ADAMTS17: variants seen among roughly 807,000 people sequenced by gnomAD.
The protein encoded by ADAMTS17 is A disintegrin and metalloproteinase with thrombospondin motifs 17.
ADAMTS17 carries 113 observed loss-of-function variants against 141.5 expected under a neutral mutation model. The observed-to-expected ratio is 0.80, with a 90% CI of 0.69 to 0.93. The LOEUF is 0.93. Ranked by LOEUF, ADAMTS17 falls within the 40% of genes least tolerant of loss-of-function variation. ADAMTS17 has a pLI of 0.00. For missense variants in ADAMTS17, 1,659 were observed against 1,517.9 expected (o/e 1.09, Z -1.54); for synonymous variants, 768 against 630.6 (o/e 1.22, Z -3.27).
At chr15:100,094,286 G>A (rs1297888586) in intron 15 of ADAMTS17, among the ~76,000 whole-genome samples, 8 of 152,256 alleles carry the variant, frequency 5.3e-5, no homozygotes, top group African/African-American at 1.4e-4. Context: ...GAGGCTTCCA[G>A]TATGGTCCAT....
At chr15:100,022,014 G>C (rs989318720) in intron 18 of ADAMTS17, among the ~76,000 whole-genome samples, 1 of 152,124 alleles carries the variant, frequency 6.6e-6, no homozygotes, top group African/African-American at 2.4e-5. Flanking sequence ...CCTTGCTATG[G>C]CTTGGGTGCT....
intron 9 of ADAMTS17, 28 bp downstream of exon 9, chr15:100,155,152 C>T: frequency 1.9e-6 from 3 of 1,614,144 alleles, no homozygotes; most frequent in Non-Finnish European, 2.5e-6. Context: ...TGATTGCATT[C>T]ATCCTATAGA....
At chr15:100,213,411 C>T (rs974539036) in intron 7 of ADAMTS17, among the ~76,000 whole-genome samples, 2 of 152,136 alleles carry the variant, frequency 1.3e-5, no homozygotes, top group East Asian at 1.9e-4. Flanking sequence ...CTCAGAAAAT[C>T]GATGTCAACA....
intron 6 of ADAMTS17, among the ~76,000 whole-genome samples, chr15:100,258,965 A>G (rs946556691): frequency 6.6e-6 from 1 of 152,068 alleles, no homozygotes; most frequent in Non-Finnish European, 1.5e-5. Context: ...AAAAAATGCC[A>G]TTCATCCCCA....
intron 15 of ADAMTS17, among the ~76,000 whole-genome samples, chr15:100,078,394 CG>C (rs1039068948): frequency 2.6e-4 from 40 of 151,938 alleles, no homozygotes; most frequent in African/African-American, 9.7e-4. Flanking sequence ...TAAGGACAGT[CG>C]TTTCTAACAA....
chr15:100,005,146 C>T (rs1393050988), intron 18 of ADAMTS17, among the ~76,000 whole-genome samples: 2 of 152,226 alleles, frequency 1.3e-5, no homozygotes, highest in Non-Finnish European at 2.9e-5. Context: ...GCTTCCTTTC[C>T]TGCCTAGCAC....
At chr15:99,976,011 C>A in intron 21 of ADAMTS17, 34 bp downstream of exon 21, 2 of 1,536,676 alleles carry the variant, frequency 1.3e-6, no homozygotes, top group Non-Finnish European at 1.8e-6. Flanking sequence ...GACACAGCAG[C>A]CCCCTGGGAA....
chr15:100,038,585 A>G (rs2727143), intron 18 of ADAMTS17, among the ~76,000 whole-genome samples: 7,025 of 152,136 alleles, frequency 0.046, 335 homozygotes, highest in African/African-American at 0.12. Flanking sequence ...ATTCTTTTTG[A>G]TGTTATTATA....
At chr15:100,328,698 A>G (rs569058101) in intron 3 of ADAMTS17, among the ~76,000 whole-genome samples, 20 of 152,200 alleles carry the variant, frequency 1.3e-4, no homozygotes, top group Non-Finnish European at 2.1e-4. Context: ...AACTCTCCTT[A>G]GGGACAAAAA....
chr15:100,130,642 T>G (rs2037990365), intron 12 of ADAMTS17, among the ~76,000 whole-genome samples: 1 of 152,134 alleles, frequency 6.6e-6, no homozygotes, highest in Non-Finnish European at 1.5e-5. Flanking sequence ...ATTTGATCAG[T>G]CTGGGGTATG....
chr15:100,275,293 CAT>C (rs1450370888), intron 4 of ADAMTS17, among the ~76,000 whole-genome samples: 1 of 152,164 alleles, frequency 6.6e-6, no homozygotes, highest in Non-Finnish European at 1.5e-5. Context: ...TGGAGGGCCA[CAT>C]GAAAGGCAGG....
chr15:100,218,872 T>A (rs764431194), intron 7 of ADAMTS17, among the ~76,000 whole-genome samples: 1 of 151,680 alleles, frequency 6.6e-6, no homozygotes, highest in Non-Finnish European at 1.5e-5. Context: ...CACGTCCACC[T>A]GAACACGCAA....
chr15:100,124,156 G>C (rs2037597980), intron 12 of ADAMTS17, among the ~76,000 whole-genome samples: 1 of 151,878 alleles, frequency 6.6e-6, no homozygotes, highest in Non-Finnish European at 1.5e-5. Context: ...AGTAGAGATG[G>C]GGTCTCATCA....
At chr15:100,163,245 GAGAC>G (rs1213361418) in intron 8 of ADAMTS17, among the ~76,000 whole-genome samples, 3 of 152,054 alleles carry the variant, frequency 2.0e-5, no homozygotes, top group Non-Finnish European at 2.9e-5. Context: ...CAGATAAAGA[GAGAC>G]AGAGAGAATG....
chr15:100,149,452 C>T (rs957150148), intron 10 of ADAMTS17, among the ~76,000 whole-genome samples: 1 of 152,194 alleles, frequency 6.6e-6, no homozygotes, highest in Non-Finnish European at 1.5e-5. Flanking sequence ...CAGTAGTTCA[C>T]ATCTGTTCCC....
intron 3 of ADAMTS17, among the ~76,000 whole-genome samples, chr15:100,291,244 A>G (rs976234357): frequency 6.6e-6 from 1 of 152,260 alleles, no homozygotes; most frequent in Non-Finnish European, 1.5e-5. Context: ...CCATATGAAA[A>G]GTTACTCAAC....
intron 8 of ADAMTS17, among the ~76,000 whole-genome samples, chr15:100,192,433 C>T (rs1197896857): frequency 6.6e-6 from 1 of 152,246 alleles, no homozygotes; most frequent in Non-Finnish European, 1.5e-5. Context: ...TATGTGAACA[C>T]AACTGCCCTA....
At chr15:100,252,420 G>A (rs2043182207) in intron 7 of ADAMTS17, among the ~76,000 whole-genome samples, 3 of 152,174 alleles carry the variant, frequency 2.0e-5, no homozygotes, top group African/African-American at 2.4e-5. Flanking sequence ...TTGCTCAGGG[G>A]CTGCCAGGGG....
At chr15:100,200,361 A>T (rs1199096745) in intron 7 of ADAMTS17, among the ~76,000 whole-genome samples, 1 of 151,948 alleles carries the variant, frequency 6.6e-6, no homozygotes, top group Admixed American at 6.5e-5. Context: ...CCCTCTGGGG[A>T]ATGCTGGGAG....
Sources: gnomAD v4.1 joint callset for allele counts (sites outside exome capture counted in the v4.1 genomes callset) on GRCh38, gnomAD v4.1.1 for gene constraint, MANE v1.5 for transcripts, NCBI Gene and HGNC (gene_info 2026-07-23, HGNC 2026-07-21) for gene names.